LRP1B: variants seen among roughly 807,000 people sequenced by gnomAD.
LRP1B encodes the protein low-density lipoprotein receptor-related protein 1B.
In LRP1B, 217 loss-of-function variants were observed where a neutral mutation model predicts 556.6. The ratio of observed to expected loss-of-function variants is 0.39; its 90% confidence interval spans 0.35 to 0.44. LRP1B has a LOEUF of 0.44. LRP1B is among the 20% of genes least tolerant of loss of function. The pLI, the probability that LRP1B is intolerant of heterozygous loss-of-function variation, is 1.00. For synonymous variants in LRP1B, 2,047 were observed against 1,865.8 expected (o/e 1.10, Z -2.50); for missense variants, 5,053 against 5,620.8 (o/e 0.90, Z 3.23).
intron 1 of LRP1B, among the ~76,000 whole-genome samples, chr2:141,968,793 C>T (rs900695610): frequency 6.6e-6 from 1 of 151,638 alleles, no homozygotes; most frequent in African/African-American, 2.4e-5. Flanking sequence ...CAAGTTCACC[C>T]TTAATTGTTT....
intron 3 of LRP1B, among the ~76,000 whole-genome samples, chr2:141,262,430 GA>G (rs1684729862): frequency 6.6e-6 from 1 of 151,864 alleles, no homozygotes; most frequent in African/African-American, 2.4e-5. Flanking sequence ...CAATTTCAAA[GA>G]AAAAAATCTT....
chr2:140,564,487 C>T (rs1681054049), intron 43 of LRP1B, among the ~76,000 whole-genome samples: 1 of 152,014 alleles, frequency 6.6e-6, no homozygotes, highest in Non-Finnish European at 1.5e-5. Context: ...ATTTTCAATA[C>T]TGCTTATGTA....
chr2:142,025,748 G>T (rs1440828029), intron 1 of LRP1B, among the ~76,000 whole-genome samples: 1 of 152,074 alleles, frequency 6.6e-6, no homozygotes, highest in Non-Finnish European at 1.5e-5. Context: ...ATTTCACACT[G>T]TGTGTGTGAT....
At chr2:140,385,765 G>T (rs1233799045) in intron 67 of LRP1B, 128 bp downstream of exon 67, 1 of 690,858 alleles carries the variant, frequency 1.4e-6, no homozygotes, top group Non-Finnish European at 2.6e-6. Context: ...GTCCAAATGT[G>T]AATATATGCA....
chr2:140,862,910 T>A (rs1162433713), intron 27 of LRP1B, among the ~76,000 whole-genome samples: 1 of 152,152 alleles, frequency 6.6e-6, no homozygotes, highest in African/African-American at 2.4e-5. Flanking sequence ...AGCTACGACA[T>A]ATATCTTATC....
chr2:140,953,742 T>C (rs1695788942), intron 18 of LRP1B, among the ~76,000 whole-genome samples: 3 of 152,180 alleles, frequency 2.0e-5, no homozygotes, highest in Non-Finnish European at 4.4e-5. Flanking sequence ...TTTCTCTGCT[T>C]AAAAAATGGA....
rs561533931 is a variant in LRP1B at position 140,795,610 on chromosome 2, A to G, written c.5359+18047T>C. 2.0e-5 allele frequency among the ~76,000 whole-genome samples: 3 copies of G among 152,284 alleles called. No homozygotes were observed. The South Asian group carries it at 6.2e-4, about 32-fold the overall frequency. ...AGAGAGAAAAACAAGTCTAAACACAATGATATTCAGGCACTCATTATTTTT... is the reference window on the plus strand; with the variant it reads ...AGAGAGAAAAACAAGTCTAAACACAGTGATATTCAGGCACTCATTATTTTT... On this transcript the variant is annotated intron_variant, in intron 32 of 90. Transcript: ENST00000389484.
intron 1 of LRP1B, among the ~76,000 whole-genome samples, chr2:141,818,907 A>C (rs776041589): frequency 6.6e-6 from 1 of 151,794 alleles, no homozygotes; most frequent in South Asian, 2.1e-4. Flanking sequence ...ATTTCTAATC[A>C]ATCATTCACT....
chr2:140,270,312 A>G lies in LRP1B; in HGVS notation c.13177T>C (p.Leu4393=), dbSNP rs1396569890. 6.2e-7 allele frequency: 1 copy of G among 1,612,010 alleles called. No individual in the cohort carries two copies. The highest frequency in any genetic ancestry group is 1.3e-5 in the African/African-American group (1 of 74,794). Residue 4393 remains leucine, a synonymous_variant, in exon 86 of 91, where the codon TTA becomes CTA. Transcript: ENST00000389484. ...TNGKIASSCQ[L]CDGYCYNGGT... is the part of the protein sequence containing the mutation. ...CCATTGTAACAGTAGCCATCACATAACTGACAGCTAGAGGCAATCTTTCCA... is the reference window on the plus strand; with the variant it reads ...CCATTGTAACAGTAGCCATCACATAGCTGACAGCTAGAGGCAATCTTTCCA...
At chr2:141,458,631 G>T (rs1447730986) in intron 3 of LRP1B, among the ~76,000 whole-genome samples, 2 of 148,794 alleles carry the variant, frequency 1.3e-5, no homozygotes, top group Admixed American at 1.4e-4. Flanking sequence ...ATAGCATTTC[G>T]GATCCCTATC....
intron 31 of LRP1B, among the ~76,000 whole-genome samples, chr2:140,825,280 G>C (rs1691463358): frequency 6.6e-6 from 1 of 152,132 alleles, no homozygotes; most frequent in African/African-American, 2.4e-5. Flanking sequence ...CCTAAAAATT[G>C]GGAGAATATC....
At chr2:141,387,215 A>T (rs1432087979) in intron 3 of LRP1B, among the ~76,000 whole-genome samples, 1 of 152,018 alleles carries the variant, frequency 6.6e-6, no homozygotes, top group Non-Finnish European at 1.5e-5. Flanking sequence ...AAACAACTAT[A>T]TTTAAAAATA....
At chr2:141,817,400 C>G (rs969441658) in intron 1 of LRP1B, among the ~76,000 whole-genome samples, 1 of 152,080 alleles carries the variant, frequency 6.6e-6, no homozygotes, top group Non-Finnish European at 1.5e-5. Flanking sequence ...ACACAGTTTA[C>G]TCAGTTTGGA....
At chr2:141,427,971 AATGTTATATT>A (rs1038011341) in intron 3 of LRP1B, among the ~76,000 whole-genome samples, 11 of 152,150 alleles carry the variant, frequency 7.2e-5, no homozygotes. Context: ...CACTACTAGA[AATGTTATATT>A]TCAGAGAAGC....
chr2:141,574,010 A>G (rs922069895), intron 2 of LRP1B, among the ~76,000 whole-genome samples: 2 of 152,194 alleles, frequency 1.3e-5, no homozygotes, highest in African/African-American at 2.4e-5. Context: ...GAATTCTACC[A>G]GAAGTACAAA....
At chr2:141,487,062 A>C (rs146219873) in intron 2 of LRP1B, among the ~76,000 whole-genome samples, 7 of 152,128 alleles carry the variant, frequency 4.6e-5, no homozygotes, top group African/African-American at 9.6e-5. Flanking sequence ...GTTATTCCTC[A>C]CAGCGTTCCA....
intron 41 of LRP1B, among the ~76,000 whole-genome samples, chr2:140,632,698 A>G (rs1051054267): frequency 2.0e-4 from 31 of 152,214 alleles, no homozygotes; most frequent in African/African-American, 6.3e-4. Flanking sequence ...AGATACACCA[A>G]TTAAAAGGCA....
chr2:140,624,910 G>T (rs62172855), intron 41 of LRP1B, among the ~76,000 whole-genome samples: 150 of 152,310 alleles, frequency 9.8e-4, no homozygotes, highest in African/African-American at 3.4e-3. Context: ...TCCTATGGAA[G>T]AACATTCTAG....
intron 7 of LRP1B, among the ~76,000 whole-genome samples, chr2:141,165,351 T>TATTC (rs1680206872): frequency 6.6e-6 from 1 of 151,726 alleles, no homozygotes; most frequent in Non-Finnish European, 1.5e-5. Flanking sequence ...TTTGTTTATT[T>TATTC]ATTTATTGGA....
Sources: allele counts gnomAD v4.1 joint callset (sites outside exome capture counted in the v4.1 genomes callset), GRCh38; gene constraint gnomAD v4.1.1; transcripts MANE v1.5; gene names NCBI Gene and HGNC (gene_info 2026-07-23, HGNC 2026-07-21).